TRIM61: variants seen among roughly 807,000 people sequenced by gnomAD.
TRIM61 encodes tripartite motif containing 61, also known as putative tripartite motif-containing protein 61.
Under a neutral mutation model 14.2 loss-of-function variants are expected in TRIM61, and 1 was observed. The observed-to-expected ratio is 0.07, with a 90% CI of 0.03 to 0.33. TRIM61 has a LOEUF of 0.33. Among genes scored for constraint, TRIM61 ranks in the 10% least tolerant of loss-of-function variants. The probability of loss-of-function intolerance (pLI) is 0.99; values close to 1 mark genes in which losing one functional copy is unlikely to be tolerated. For synonymous variants in TRIM61, 8 were observed against 71.6 expected, an observed-to-expected ratio of 0.11 and a Z score of 4.49; for missense variants, 19 against 202.2, an observed-to-expected ratio of 0.09 and a Z score of 5.49.
intron 3 of TRIM61, among the ~76,000 whole-genome samples, chr4:164,963,307 C>G (rs1474223706): frequency 6.6e-6 from 1 of 152,116 alleles, no homozygotes; most frequent in Non-Finnish European, 1.5e-5. Flanking sequence ...TTGAGACCAA[C>G]CTGGGTAACA....
intron 3 of TRIM61, among the ~76,000 whole-genome samples, chr4:164,961,675 AACAC>A (rs1205924033): frequency 6.6e-6 from 1 of 152,162 alleles, no homozygotes; most frequent in African/African-American, 2.4e-5. Context: ...AATATCAAAA[AACAC>A]ACACCAAAAA....
At position 164,969,640 on chromosome 4, in the gene TRIM61, CA is replaced by C. The variant is rs1180347307; in HGVS notation, c.362del (p.Leu121CysfsTer13). Reference sequence around the variant, plus strand: ...CACAGTGATGCTGGTGATCAGTGGACAAACTGCACCTTGGACATAAAAGCTC... The same window carrying C: ...CACAGTGATGCTGGTGATCAGTGGACAACTGCACCTTGGACATAAAAGCTC... On this transcript the variant is annotated frameshift_variant, in exon 3 of 5. Transcript: ENST00000329314. LOFTEE classifies it high-confidence loss of function. 6.6e-7 allele frequency: 1 copy of C among 1,507,082 alleles called. No individual in the cohort carries two copies. The highest frequency in any genetic ancestry group is 2.3e-5 in the East Asian group (1 of 43,628). 93.4% of individuals were successfully genotyped at this position (1,507,082 alleles called of 1,614,324 possible). A position where few individuals can be genotyped will look rare whatever the true frequency, so the allele number is the denominator to read the frequency against.
chr4:164,967,558 G>A (rs1231536911), intron 3 of TRIM61, among the ~76,000 whole-genome samples: 4 of 152,176 alleles, frequency 2.6e-5, no homozygotes, highest in Non-Finnish European at 2.9e-5. Flanking sequence ...GTTATCTACC[G>A]GTTGTGTATG....
chr4:164,963,317 A>G (rs1732174242), intron 3 of TRIM61, among the ~76,000 whole-genome samples: 1 of 152,230 alleles, frequency 6.6e-6, no homozygotes, highest in South Asian at 2.1e-4. Flanking sequence ...CCTGGGTAAC[A>G]TTAGTGACAT....
chr4:164,973,936 A>C (rs1368035477), intron 2 of TRIM61, among the ~76,000 whole-genome samples: 1 of 152,244 alleles, frequency 6.6e-6, no homozygotes, highest in Non-Finnish European at 1.5e-5. Context: ...TTGGGAGGCC[A>C]AGGCAGTGGA....
chr4:164,963,418 T>C (rs907291989), intron 3 of TRIM61, among the ~76,000 whole-genome samples: 7 of 152,144 alleles, frequency 4.6e-5, no homozygotes, highest in African/African-American at 1.7e-4. Context: ...AACCATATCA[T>C]GGGCTATGGA....
intron 3 of TRIM61, chr4:164,957,535 T>C (rs763346919): frequency 6.4e-7 from 1 of 1,553,382 alleles, no homozygotes. Flanking sequence ...AGGGGACATC[T>C]GACATCTGAA....
At chr4:164,967,265 T>TA (rs1491456660) in intron 3 of TRIM61, among the ~76,000 whole-genome samples, 21 of 152,352 alleles carry the variant, frequency 1.4e-4, no homozygotes, top group Admixed American at 5.9e-4. Flanking sequence ...GATTCACTGT[T>TA]ATGTCTACTG....
At position 164,967,511 on chromosome 4, in the gene TRIM61, G is replaced by A. The variant is rs991830592; in HGVS notation, c.525+1967C>T. ...TGAAGTGAAGGACAGTAGCTGAACA[G>A]GACTAGAGGGTACTCTGTCCAGTGG... On this transcript the variant is annotated intron_variant, in intron 3 of 4. Transcript: ENST00000329314. Among the ~76,000 whole-genome samples, 3 of 152,194 alleles carry A rather than the reference G, an allele frequency of 2.0e-5. No homozygotes were observed. The East Asian group carries it at 5.8e-4, about 29-fold the overall frequency.
At chr4:164,969,281 T>C in intron 3 of TRIM61, 1 of 1,455,064 alleles carries the variant, frequency 6.9e-7, no homozygotes, top group Non-Finnish European at 9.0e-7. Flanking sequence ...TGACTTCACA[T>C]ATATGCTCTC....
chr4:164,969,330 C>G, intron 3 of TRIM61: 2 of 1,506,224 alleles, frequency 1.3e-6, no homozygotes, highest in South Asian at 1.4e-5. Flanking sequence ...GAGGTATAAT[C>G]TGAAAATTTT....
intron 1 of TRIM61, among the ~76,000 whole-genome samples, chr4:164,977,089 C>T (rs181623009): frequency 2.0e-5 from 3 of 152,220 alleles, no homozygotes; most frequent in Non-Finnish European, 2.9e-5. Flanking sequence ...CATGCCTGCA[C>T]CTAAAGCGCC....
chr4:164,956,862 A>T (rs1254853413), intron 3 of TRIM61: 4 of 706,146 alleles, frequency 5.7e-6, no homozygotes, highest in Non-Finnish European at 9.2e-6. Flanking sequence ...CAAGCACTGC[A>T]GCGTTTCTCC....
At chr4:164,964,517 A>C (rs1351012532) in intron 3 of TRIM61, among the ~76,000 whole-genome samples, 2 of 152,192 alleles carry the variant, frequency 1.3e-5, no homozygotes, top group Non-Finnish European at 2.9e-5. Context: ...AAAAGATAAA[A>C]ATGGAGGCAA....
At chr4:164,971,535 G>A (rs1732365605) in intron 2 of TRIM61, among the ~76,000 whole-genome samples, 1 of 151,328 alleles carries the variant, frequency 6.6e-6, no homozygotes, top group South Asian at 2.1e-4. Context: ...AGGTTGTGGT[G>A]AGTGGAGATC....
chr4:164,965,802 A>C (rs34895033), intron 3 of TRIM61, among the ~76,000 whole-genome samples: 1 of 143,966 alleles, frequency 6.9e-6, no homozygotes, highest in Non-Finnish European at 1.6e-5. Flanking sequence ...TTAAAAATAC[A>C]TAAGAGTGAA....
chr4:164,961,153 C>CAAAAAGAAAAAAAAA (rs1732123609), intron 3 of TRIM61, among the ~76,000 whole-genome samples: 2 of 31,718 alleles, frequency 6.3e-5, no homozygotes, highest in African/African-American at 2.1e-4. Flanking sequence ...AACTCTCAGG[C>CAAAAAGAAAAAAAAA]AAAAAAAAAA....
intron 2 of TRIM61, among the ~76,000 whole-genome samples, chr4:164,971,681 ATACCCTTTCAATCTTTCTGT>A (rs1053982629): frequency 6.6e-6 from 1 of 152,168 alleles, no homozygotes; most frequent in African/African-American, 2.4e-5. Flanking sequence ...ATAAGGATGC[ATACCCTTTCAATCTTTCTGT>A]AAGTTTGACA....
At chr4:164,973,774 A>T (rs1197366616) in intron 2 of TRIM61, among the ~76,000 whole-genome samples, 4 of 152,264 alleles carry the variant, frequency 2.6e-5, no homozygotes, top group African/African-American at 9.6e-5. Flanking sequence ...AAGAGGTCAT[A>T]CAAATTTAGC....
Sources: gnomAD v4.1 joint callset for allele counts (sites outside exome capture counted in the v4.1 genomes callset) on GRCh38, gnomAD v4.1.1 for gene constraint, MANE v1.5 for transcripts, NCBI Gene and HGNC (gene_info 2026-07-23, HGNC 2026-07-21) for gene names.